Variants in SMCHD1 observed in about 807,000 individuals in gnomAD.
SMCHD1 encodes the protein structural maintenance of chromosomes flexible hinge domain-containing protein 1.
A neutral mutation model predicts 254.7 loss-of-function variants in SMCHD1; 78 were observed. That is an observed-to-expected ratio of 0.31 (90% CI 0.26 to 0.37). The LOEUF is 0.37. Ranked by LOEUF, SMCHD1 falls within the 10% of genes least tolerant of loss-of-function variation. The probability of loss-of-function intolerance (pLI) is 1.00; values close to 1 mark genes in which losing one functional copy is unlikely to be tolerated. For synonymous variants in SMCHD1, 766 were observed against 794.9 expected, an observed-to-expected ratio of 0.96 and a Z score of 0.61; for missense variants, 1,840 against 2,408.1, an observed-to-expected ratio of 0.76 and a Z score of 4.94.
chr18:2,684,279 A>G lies in SMCHD1; in HGVS notation c.639-4115A>G, dbSNP rs975423044. ...TATTACGTTATCCAGAAAGGAAAATAATACTGGATATTATTACATCCATAA... is the reference window on the plus strand; with the variant it reads ...TATTACGTTATCCAGAAAGGAAAATGATACTGGATATTATTACATCCATAA... On this transcript the variant is annotated intron_variant, in intron 5 of 47. Coordinates refer to ENST00000320876, the MANE Select transcript of SMCHD1 (RefSeq NM_015295.3). 3.3e-5 allele frequency among the ~76,000 whole-genome samples: 5 copies of G among 152,204 alleles called. No individual in the cohort carries two copies. The East Asian group carries it at 9.6e-4, about 29-fold the overall frequency.
At chr18:2,784,643 A>G in intron 45 of SMCHD1, 22 bp downstream of exon 45, 7 of 1,540,548 alleles carry the variant, frequency 4.5e-6, no homozygotes, top group Non-Finnish European at 5.2e-6. Flanking sequence ...AAGTACTTAA[A>G]TAGCAATTTC....
chr18:2,786,160 T>C (rs1042354162), intron 45 of SMCHD1, among the ~76,000 whole-genome samples: 2 of 152,052 alleles, frequency 1.3e-5, no homozygotes, highest in African/African-American at 4.8e-5. Context: ...ATTACAGACA[T>C]GCGCCACCAC....
At chr18:2,795,038 G>T (rs56254548) in intron 45 of SMCHD1, among the ~76,000 whole-genome samples, 1,786 of 77,854 alleles carry the variant, frequency 0.023, 34 homozygotes, top group African/African-American at 0.063. Flanking sequence ...AAAAATTCTG[G>T]GTTTTTTTTT....
At chr18:2,736,992 G>C (rs763775783) in intron 25 of SMCHD1, among the ~76,000 whole-genome samples, 2 of 152,108 alleles carry the variant, frequency 1.3e-5, no homozygotes, top group East Asian at 1.9e-4. Flanking sequence ...ATAGGTGCCT[G>C]TCGGTAGTAG....
chr18:2,753,456 A>G (rs1423055871), intron 34 of SMCHD1, among the ~76,000 whole-genome samples: 3 of 152,232 alleles, frequency 2.0e-5, no homozygotes, highest in Non-Finnish European at 4.4e-5. Flanking sequence ...TTGCTGGGTC[A>G]TAAGTTCATA....
At chr18:2,699,443 A>G (rs1293797517) in intron 10 of SMCHD1, among the ~76,000 whole-genome samples, 1 of 152,154 alleles carries the variant, frequency 6.6e-6, no homozygotes, top group Non-Finnish European at 1.5e-5. Flanking sequence ...AGGTTCAAGC[A>G]ATTCTCATGG....
At chr18:2,741,720 C>T (rs993108680) in intron 28 of SMCHD1, among the ~76,000 whole-genome samples, 2 of 152,112 alleles carry the variant, frequency 1.3e-5, no homozygotes, top group African/African-American at 4.8e-5. Context: ...AAAATAAATG[C>T]GCTCCTGTTA....
chr18:2,707,947 TTAA>T, intron 17 of SMCHD1, 27 bp downstream of exon 17: 1 of 1,285,700 alleles, frequency 7.8e-7, no homozygotes, highest in Non-Finnish European at 1.1e-6. Flanking sequence ...ATTTAGATCT[TTAA>T]TATTGTTTTT....
intron 39 of SMCHD1, among the ~76,000 whole-genome samples, chr18:2,770,695 A>G (rs755536031): frequency 4.1e-4 from 62 of 152,134 alleles, no homozygotes; most frequent in Admixed American, 1.3e-3. Flanking sequence ...GATCTCACTC[A>G]CTGCACCCTC....
chr18:2,666,840 A>G, intron 2 of SMCHD1, 30 bp from the exon 3 acceptor site: 1 of 1,581,858 alleles, frequency 6.3e-7, no homozygotes, highest in Non-Finnish European at 8.6e-7. Flanking sequence ...ATGCTGACCT[A>G]GCACTTATGA....
At chr18:2,690,428 T>A (rs1177916359) in intron 7 of SMCHD1, among the ~76,000 whole-genome samples, 1 of 152,156 alleles carries the variant, frequency 6.6e-6, no homozygotes, top group Non-Finnish European at 1.5e-5. Flanking sequence ...TTACAGATTT[T>A]TTTCTTAGGT....
chr18:2,785,749 CTT>C, intron 45 of SMCHD1, among the ~76,000 whole-genome samples: 1 of 141,194 alleles, frequency 7.1e-6, no homozygotes, highest in Non-Finnish European at 1.6e-5. Context: ...ACAGTTGAAA[CTT>C]TGTATAAACT....
chr18:2,757,322 C>T (rs2075700615), intron 34 of SMCHD1, among the ~76,000 whole-genome samples: 1 of 152,094 alleles, frequency 6.6e-6, no homozygotes, highest in Admixed American at 6.6e-5. Context: ...GCAATCCTCC[C>T]ACCTTAGTCT....
At chr18:2,750,667 A>G (rs1373848888) in intron 32 of SMCHD1, among the ~76,000 whole-genome samples, 160 bp downstream of exon 32, 1 of 152,132 alleles carries the variant, frequency 6.6e-6, no homozygotes, top group African/African-American at 2.4e-5. Flanking sequence ...TCAATAGGAA[A>G]TTAGTTTTTG....
At position 2,706,383 on chromosome 18, in the gene SMCHD1, A is replaced by G. The variant is rs1475262779; in HGVS notation, c.1976A>G (p.Asp659Gly). The change falls in exon 15 of 48, where the codon GAT (aspartate) becomes GGT (glycine). Residue 659 changes from aspartate to glycine, a missense_variant. By Grantham distance (94) the Asp-to-Gly change is moderately conservative. Transcript: ENST00000320876. Reference protein sequence around the residue: ...QIAMEPQALYDEVRTVPIAKL... With the variant: ...QIAMEPQALYGEVRTVPIAKL... Reference sequence around the variant, plus strand: ...ATTCAGGAACCTCAGGCACTATATGATGAAGTAAGAACTGTGCCAATTGCA... The same window carrying G: ...ATTCAGGAACCTCAGGCACTATATGGTGAAGTAAGAACTGTGCCAATTGCA... 1.9e-6 allele frequency: 3 copies of G among 1,584,002 alleles called. No individual in the cohort carries two copies. Among genetic ancestry groups the G allele is most frequent in the Non-Finnish European group, 1.7e-6 (2 of 1,164,162 alleles).
chr18:2,691,444 G>A (rs546512176), intron 7 of SMCHD1, among the ~76,000 whole-genome samples: 2 of 152,282 alleles, frequency 1.3e-5, no homozygotes, highest in South Asian at 4.1e-4. Flanking sequence ...TGATCTGTGA[G>A]CAGTTTTCAG....
chr18:2,656,853 C>G (rs2073081818), intron 1 of SMCHD1, among the ~76,000 whole-genome samples: 1 of 152,184 alleles, frequency 6.6e-6, no homozygotes, highest in Non-Finnish European at 1.5e-5. Flanking sequence ...GCAGGTAGAG[C>G]TGGCCTTCTG....
intron 25 of SMCHD1, among the ~76,000 whole-genome samples, chr18:2,737,043 T>TA (rs1467566253): frequency 2.6e-5 from 4 of 152,184 alleles, no homozygotes; most frequent in African/African-American, 7.2e-5. Context: ...TACACAGCCA[T>TA]AAAAAAGAAC....
chr18:2,701,394 C>T (rs2074398807), intron 12 of SMCHD1: 1 of 152,732 alleles, frequency 6.5e-6, no homozygotes, highest in Non-Finnish European at 1.5e-5. Context: ...CTCCTGACCT[C>T]AGGTGATCGA....
Sources: allele counts gnomAD v4.1 joint callset (sites outside exome capture counted in the v4.1 genomes callset), GRCh38; gene constraint gnomAD v4.1.1; transcripts MANE v1.5; gene names NCBI Gene and HGNC (gene_info 2026-07-23, HGNC 2026-07-21).